Variants in RIN3 observed in about 807,000 individuals in gnomAD.
RIN3 encodes the protein RAB5 interacting protein 3.
Under a neutral mutation model 76.3 loss-of-function variants are expected in RIN3, and 54 were observed. The observed-to-expected ratio is 0.71, with a 90% confidence interval of 0.57 to 0.89. The LOEUF is 0.89. Among genes scored for constraint, RIN3 ranks in the 40% least tolerant of loss-of-function variants. RIN3 has a pLI of 0.00. For missense variants in RIN3, 1,256 were observed against 1,322.1 expected (o/e 0.95, Z 0.78); for synonymous variants, 576 against 564.0 (o/e 1.02, Z -0.30).
Position 92,577,567 on chromosome 14 carries a change from A to G in RIN3, c.367+90A>G, listed in dbSNP as rs369312337. ...ACCTTCTAACCACAGACTCCCCTGT[A>G]TGCACTGATGGTGTTTAAAATTAGA... On this transcript the variant is annotated intron_variant, in intron 3 of 9. Transcript: ENST00000216487. 45 of 730,700 alleles carry G rather than the reference A, an allele frequency of 6.2e-5. No individual in the cohort carries two copies. The African/African-American group carries it at 6.3e-4, about 10-fold the overall frequency. The allele number at this position is 730,700 out of a possible 1,614,324, so 45.3% of individuals were successfully genotyped here.
chr14:92,612,243 G>C (rs1885768485), intron 3 of RIN3, among the ~76,000 whole-genome samples: 1 of 152,200 alleles, frequency 6.6e-6, no homozygotes, highest in Non-Finnish European at 1.5e-5. Context: ...CATGCTCACG[G>C]GCAGGTGGTG....
chr14:92,572,354 C>G (rs187411135), intron 2 of RIN3, among the ~76,000 whole-genome samples: 143 of 152,352 alleles, frequency 9.4e-4, no homozygotes, highest in African/African-American at 3.2e-3. Flanking sequence ...AAGTTACACT[C>G]CGCCATTTTG....
intron 1 of RIN3, among the ~76,000 whole-genome samples, chr14:92,519,405 G>A (rs1896531427): frequency 6.6e-6 from 1 of 152,224 alleles, no homozygotes; most frequent in African/African-American, 2.4e-5. Context: ...AGCTGGGAAG[G>A]TTTCTCAGGC....
At chr14:92,552,250 C>T (rs1286281163) in intron 1 of RIN3, among the ~76,000 whole-genome samples, 1 of 152,200 alleles carries the variant, frequency 6.6e-6, no homozygotes, top group Non-Finnish European at 1.5e-5. Flanking sequence ...GCAGAGTTTC[C>T]ACTCAGTCAG....
At chr14:92,588,407 G>T (rs1033989544) in intron 3 of RIN3, among the ~76,000 whole-genome samples, 2 of 151,856 alleles carry the variant, frequency 1.3e-5, no homozygotes, top group African/African-American at 4.8e-5. Flanking sequence ...TGCATTTTTA[G>T]TAGGGACAGT....
chr14:92,613,037 C>T (rs11626417), intron 3 of RIN3, among the ~76,000 whole-genome samples: 2 of 152,132 alleles, frequency 1.3e-5, no homozygotes, highest in Non-Finnish European at 2.9e-5. Flanking sequence ...AAGATCAGGC[C>T]GTGCCTCAAT....
At chr14:92,587,198 CTGTG>C (rs775446441) in intron 3 of RIN3, among the ~76,000 whole-genome samples, 2 of 152,192 alleles carry the variant, frequency 1.3e-5, no homozygotes, top group Non-Finnish European at 2.9e-5. Flanking sequence ...TAGAGCTTGA[CTGTG>C]TGGGAGCTGA....
chr14:92,669,404 G>C (rs1401494623), intron 7 of RIN3, among the ~76,000 whole-genome samples: 1 of 152,194 alleles, frequency 6.6e-6, no homozygotes, highest in African/African-American at 2.4e-5. Context: ...GTGTGATATT[G>C]ACTTTCCCAT....
chr14:92,585,767 C>T (rs562728146), intron 3 of RIN3, among the ~76,000 whole-genome samples: 7 of 152,094 alleles, frequency 4.6e-5, no homozygotes, highest in Non-Finnish European at 7.3e-5. Context: ...TACAGGTACA[C>T]GCCGCTGTGC....
Position 92,687,922 on chromosome 14 carries a change from G to T in RIN3, c.2632-4G>T. The T allele has an allele frequency of 1.3e-6, 2 of 1,539,768 alleles. No homozygotes were observed. The highest frequency in any genetic ancestry group is 1.7e-6 in the Non-Finnish European group (2 of 1,143,538). On this transcript the variant is annotated splice_region_variant and splice_polypyrimidine_tract_variant and intron_variant, in intron 9 of 9. Coordinates refer to ENST00000216487, the MANE Select transcript of RIN3 (RefSeq NM_024832.5). ...GTGACCACAGGCCCCTCGCGTCTCCGCAGGACTTCATCTGCGTGTCGTACC... is the reference window on the plus strand; with the variant it reads ...GTGACCACAGGCCCCTCGCGTCTCCTCAGGACTTCATCTGCGTGTCGTACC...
chr14:92,666,535 A>T (rs962766901), intron 7 of RIN3, among the ~76,000 whole-genome samples: 1 of 150,978 alleles, frequency 6.6e-6, no homozygotes, highest in African/African-American at 2.5e-5. Flanking sequence ...ACGGAAGCAA[A>T]TGGCTTTGGA....
At chr14:92,594,825 C>G (rs1366772097) in intron 3 of RIN3, among the ~76,000 whole-genome samples, 1 of 152,240 alleles carries the variant, frequency 6.6e-6, no homozygotes, top group Non-Finnish European at 1.5e-5. Flanking sequence ...GGTCTCATGT[C>G]TGACTGCTTC....
chr14:92,538,548 T>C (rs911480090), intron 1 of RIN3, among the ~76,000 whole-genome samples: 1 of 152,186 alleles, frequency 6.6e-6, no homozygotes. Flanking sequence ...TGTTTCTAGT[T>C]TTCCACAACT....
chr14:92,531,467 C>A (rs966230104), intron 1 of RIN3, among the ~76,000 whole-genome samples: 1 of 152,168 alleles, frequency 6.6e-6, no homozygotes, highest in Non-Finnish European at 1.5e-5. Context: ...TAACAGGGAA[C>A]AAAAACCTGG....
intron 1 of RIN3, among the ~76,000 whole-genome samples, chr14:92,518,789 C>CTGTGTGTGTGTATG (rs1896514217): frequency 7.8e-6 from 1 of 128,330 alleles, no homozygotes; most frequent in Non-Finnish European, 1.6e-5. Flanking sequence ...TAAGGGTGGC[C>CTGTGTGTGTGTATG]TGTGTGTGTG....
chr14:92,523,963 TG>T (rs1896661691), intron 1 of RIN3, among the ~76,000 whole-genome samples: 1 of 151,944 alleles, frequency 6.6e-6, no homozygotes, highest in Non-Finnish European at 1.5e-5. Flanking sequence ...GAGGCTGAGG[TG>T]GGAGGATCTC....
At chr14:92,627,693 GGGTCCCAATCTC>G (rs1174674711) in intron 4 of RIN3, among the ~76,000 whole-genome samples, 128 of 152,314 alleles carry the variant, frequency 8.4e-4, no homozygotes, top group African/African-American at 3.0e-3. Context: ...ACAGTGGGTG[GGGTCCCAATCTC>G]TAGCCCTTGA....
intron 7 of RIN3, among the ~76,000 whole-genome samples, chr14:92,663,214 C>T (rs1370621854): frequency 6.6e-6 from 1 of 152,216 alleles, no homozygotes. Context: ...AGCGTCATCT[C>T]ACATAGTTAT....
At chr14:92,574,123 A>C (rs1898144795) in intron 2 of RIN3, among the ~76,000 whole-genome samples, 1 of 152,358 alleles carries the variant, frequency 6.6e-6, no homozygotes. Context: ...GACACACAAG[A>C]AATGAGGTTA....
Sources: allele counts gnomAD v4.1 joint callset (sites outside exome capture counted in the v4.1 genomes callset), GRCh38; gene constraint gnomAD v4.1.1; transcripts MANE v1.5; gene names NCBI Gene and HGNC (gene_info 2026-07-23, HGNC 2026-07-21).